The following CTNND2 variants were observed in gnomAD, a reference collection of about 807,000 sequenced individuals.
CTNND2 encodes catenin delta-2.
CTNND2 carries 22 observed loss-of-function variants against 144.4 expected under a neutral mutation model. That is an observed-to-expected ratio of 0.15 (90% confidence interval 0.11 to 0.22). The LOEUF (loss-of-function observed/expected upper bound fraction) is 0.22. Among genes scored for constraint, CTNND2 ranks in the 10% least tolerant of loss-of-function variants. The pLI, the probability that CTNND2 is intolerant of heterozygous loss-of-function variation, is 1.00. For missense variants in CTNND2, 1,353 were observed against 1,618.8 expected, an observed-to-expected ratio of 0.84 and a Z score of 2.82; for synonymous variants, 751 against 695.6, an observed-to-expected ratio of 1.08 and a Z score of -1.25.
At chr5:11,785,392 A>T (rs2126856887) in intron 1 of CTNND2, among the ~76,000 whole-genome samples, 1 of 152,344 alleles carries the variant, frequency 6.6e-6, no homozygotes, top group Non-Finnish European at 1.5e-5. Context: ...TTTTTGAACA[A>T]AATAACCATA....
chr5:11,523,590 GAGA>G (rs1311105145), intron 3 of CTNND2, among the ~76,000 whole-genome samples: 4 of 152,314 alleles, frequency 2.6e-5, no homozygotes, highest in Admixed American at 6.5e-5. Context: ...CGTTTCTTCA[GAGA>G]AGAACTTTTG....
intron 9 of CTNND2, among the ~76,000 whole-genome samples, chr5:11,248,450 G>A (rs982811264): frequency 6.6e-6 from 1 of 151,960 alleles, no homozygotes; most frequent in Non-Finnish European, 1.5e-5. Flanking sequence ...TATAGTATGT[G>A]TGTGTTTGTA....
intron 21 of CTNND2, among the ~76,000 whole-genome samples, chr5:10,974,230 G>A (rs934164774): frequency 6.6e-6 from 1 of 152,204 alleles, no homozygotes; most frequent in Admixed American, 6.5e-5. Flanking sequence ...CATAAAGTTT[G>A]CATGGTCCAT....
At chr5:11,875,849 CA>C (rs1735530907) in intron 1 of CTNND2, among the ~76,000 whole-genome samples, 1 of 152,200 alleles carries the variant, frequency 6.6e-6, no homozygotes, top group Non-Finnish European at 1.5e-5. Context: ...TTCAATAACT[CA>C]TGGAGTTTCC....
intron 1 of CTNND2, among the ~76,000 whole-genome samples, chr5:11,876,890 C>A (rs890230174): frequency 1.3e-5 from 2 of 152,156 alleles, no homozygotes; most frequent in Non-Finnish European, 2.9e-5. Flanking sequence ...TTTAGTCCAG[C>A]AAACTTGCTG....
chr5:11,409,241 A>G (rs1381062883), intron 5 of CTNND2, among the ~76,000 whole-genome samples: 2 of 151,936 alleles, frequency 1.3e-5, no homozygotes, highest in African/African-American at 4.8e-5. Flanking sequence ...TTACAATTTT[A>G]TTATTTACTT....
Position 11,221,684 on chromosome 5 carries a change from T to G in CTNND2, c.1761+15007A>C, listed in dbSNP as rs138598359. 3.1e-4 allele frequency among the ~76,000 whole-genome samples: 47 copies of G among 152,326 alleles called. No individual in the cohort carries two copies. In the East Asian group the frequency reaches 9.1e-3, roughly 29 times the overall value. On this transcript the variant is annotated intron_variant, in intron 10 of 21. Transcript: ENST00000304623. ...TCACAAAATGTTCTCTCCAGTTCTG[T>G]GAGCCAGAAAAACCTGGAGAACGTC... is the stretch of plus-strand genomic sequence containing the variant.
chr5:11,606,701 A>G (rs1780064252), intron 2 of CTNND2, among the ~76,000 whole-genome samples: 1 of 152,182 alleles, frequency 6.6e-6, no homozygotes, highest in Admixed American at 6.5e-5. Flanking sequence ...TGTCATAAAC[A>G]TATCAATGAT....
Position 11,397,133 on chromosome 5 carries a change from G to A in CTNND2, c.510C>T (p.Ala170=), listed in dbSNP as rs1561333077. ...CCAGGGTCTGGTTGCTATGGTAGCT[G>A]GCCGGATACTGGAAAGACCCTTCAG... ...SKPEGSFQYP[A]SYHSNQTLAL... Residue 170 remains alanine, a synonymous_variant, in exon 6 of 22, where the codon GCC becomes GCT. Transcript: ENST00000304623. The A allele has an allele frequency of 5.0e-6, 8 of 1,614,228 alleles. No individual in the cohort carries two copies. Among genetic ancestry groups the A allele is most frequent in the Non-Finnish European group, 5.9e-6 (7 of 1,180,036 alleles).
rs531713671 is a variant in CTNND2, at chr5:11,626,218, G to A, written c.175-61162C>T. ...CACTCGAAGTCTTTTGTTGCACATT[G>A]ATGCCAACTTGTCTACCTTCCCCTT... On this transcript the variant is annotated intron_variant, in intron 2 of 21. Coordinates refer to ENST00000304623, the MANE Select transcript of CTNND2 (RefSeq NM_001332.4). 3.9e-5 allele frequency among the ~76,000 whole-genome samples: 6 copies of A among 152,256 alleles called. No homozygotes were observed. The South Asian group carries it at 1.2e-3, about 32-fold the overall frequency.
Position 11,384,876 on chromosome 5 carries a change from G to A in CTNND2, c.966C>T (p.Ser322=). The change falls in exon 7 of 22, where the codon TCC becomes TCT. Residue 322 remains serine, a synonymous_variant. Coordinates refer to ENST00000304623, the MANE Select transcript of CTNND2 (RefSeq NM_001332.4). This position sits in a 1 kb window ranked among gnomAD's most constrained non-coding sequence, Gnocchi z 5.2. ...STSSPINIVV[S]SAGLSPIRVT... The stretch of plus-strand genomic sequence containing the variant: ...CGCGGATCGGGGACAGGCCGGCCGA[G>A]GACACGACGATGTTGATGGGCGAGC... 6.2e-7 allele frequency: 1 copy of A among 1,612,104 alleles called. No homozygotes were observed. The highest frequency in any genetic ancestry group is 2.2e-5 in the East Asian group (1 of 44,796).
chr5:11,423,979 T>C (rs1031413114), intron 3 of CTNND2, among the ~76,000 whole-genome samples: 1 of 152,188 alleles, frequency 6.6e-6, no homozygotes. Flanking sequence ...CCATGTAATA[T>C]TCATGTACAA....
chr5:11,480,644 A>ATGTGTGTGTGTG (rs112150074), intron 3 of CTNND2, among the ~76,000 whole-genome samples: 7,836 of 137,932 alleles, frequency 0.057, 266 homozygotes, highest in East Asian at 0.086. Context: ...GAAAATACAT[A>ATGTGTGTGTGTG]TATGTGTGTG....
At chr5:11,604,135 A>G (rs958189048) in intron 2 of CTNND2, among the ~76,000 whole-genome samples, 4 of 152,224 alleles carry the variant, frequency 2.6e-5, no homozygotes, top group African/African-American at 9.6e-5. Flanking sequence ...GAATATTCAT[A>G]TTCACAGGCT....
intron 9 of CTNND2, among the ~76,000 whole-genome samples, chr5:11,291,891 C>T (rs1748386416): frequency 6.6e-6 from 1 of 152,082 alleles, no homozygotes; most frequent in Admixed American, 6.6e-5. Context: ...TTCAGATTTG[C>T]ATTTACCATA....
intron 21 of CTNND2, among the ~76,000 whole-genome samples, chr5:10,976,660 G>A (rs1736530955): frequency 6.6e-6 from 1 of 152,152 alleles, no homozygotes; most frequent in Non-Finnish European, 1.5e-5. Flanking sequence ...TTCCTCAACA[G>A]TAGAATATTC....
At chr5:11,537,598 C>T (rs1774336255) in intron 3 of CTNND2, among the ~76,000 whole-genome samples, 1 of 151,980 alleles carries the variant, frequency 6.6e-6, no homozygotes, top group Admixed American at 6.6e-5. Context: ...TCCTTTCTAC[C>T]CTGCTTTTAC....
At chr5:11,235,318 T>C (rs1176432556) in intron 10 of CTNND2, among the ~76,000 whole-genome samples, 1 of 152,210 alleles carries the variant, frequency 6.6e-6, no homozygotes, top group Non-Finnish European at 1.5e-5. Context: ...GATGATGGTA[T>C]GTGATCCCCC....
At chr5:11,191,715 C>T (rs1736259703) in intron 11 of CTNND2, among the ~76,000 whole-genome samples, 1 of 152,230 alleles carries the variant, frequency 6.6e-6, no homozygotes, top group Non-Finnish European at 1.5e-5. Context: ...GCTCCCACCA[C>T]ATCCCCTCTT....
Sources: allele counts gnomAD v4.1 joint callset (sites outside exome capture counted in the v4.1 genomes callset), GRCh38; gene constraint gnomAD v4.1.1; non-coding constraint Gnocchi (gnomAD v3.1); transcripts MANE v1.5; gene names NCBI Gene and HGNC (gene_info 2026-07-23, HGNC 2026-07-21).